GDAP1: variants seen among roughly 807,000 people sequenced by gnomAD.
The protein encoded by GDAP1 is ganglioside-induced differentiation-associated protein 1.
A neutral mutation model predicts 40.1 loss-of-function variants in GDAP1; 34 were observed. That is an observed-to-expected ratio of 0.85 (90% CI 0.64 to 1.13). The LOEUF (loss-of-function observed/expected upper bound fraction) is 1.13, where lower values mean the gene tolerates loss of function less well. GDAP1 is among the 50% of genes most tolerant of loss of function. The pLI, the probability that GDAP1 is intolerant of heterozygous loss-of-function variation, is 0.00. For synonymous variants in GDAP1, 170 were observed against 157.4 expected (o/e 1.08, Z -0.60); for missense variants, 374 against 433.7 (o/e 0.86, Z 1.22).
chr8:74,382,927 A>G (rs1435110300), intron 2 of GDAP1, among the ~76,000 whole-genome samples: 1 of 152,168 alleles, frequency 6.6e-6, no homozygotes, highest in African/African-American at 2.4e-5. Context: ...TTATTTGTTA[A>G]ATTAAAATTT....
intron 3 of GDAP1, 54 bp downstream of exon 3, chr8:74,360,364 ATT>A: frequency 7.0e-7 from 1 of 1,432,238 alleles, no homozygotes; most frequent in Non-Finnish European, 9.9e-7. Context: ...CTTTTAATTC[ATT>A]TTGAGACCTA....
chr8:74,370,947 AAG>A (rs1476656392), downstream of GDAP1, among the ~76,000 whole-genome samples: 2 of 152,236 alleles, frequency 1.3e-5, no homozygotes, highest in Non-Finnish European at 2.9e-5. Flanking sequence ...ATATTCATCT[AAG>A]AGCTTCAAAA....
At chr8:74,381,152 GTTTA>G (rs1167288737) in intron 2 of GDAP1, among the ~76,000 whole-genome samples, 1 of 151,942 alleles carries the variant, frequency 6.6e-6, no homozygotes, top group African/African-American at 2.4e-5. Flanking sequence ...TTATCAAATT[GTTTA>G]TTTATATCAA....
chr8:74,379,779 G>T (rs1757873054), intron 2 of GDAP1, among the ~76,000 whole-genome samples: 1 of 152,146 alleles, frequency 6.6e-6, no homozygotes, highest in South Asian at 2.1e-4. Flanking sequence ...ATAGAGGTTA[G>T]TAGGAAGTAC....
intron 2 of GDAP1, among the ~76,000 whole-genome samples, chr8:74,401,554 G>C (rs1304360708): frequency 6.7e-6 from 1 of 149,918 alleles, no homozygotes; most frequent in East Asian, 1.9e-4. Context: ...CTCTCAACTC[G>C]TCAAAGTCAT....
At chr8:74,426,012 A>G (rs538567708) in intron 2 of GDAP1, among the ~76,000 whole-genome samples, 1 of 152,278 alleles carries the variant, frequency 6.6e-6, no homozygotes. Flanking sequence ...TGATATGTTA[A>G]TTATTGAAAT....
chr8:74,478,882 A>C (rs1199303108), intron 2 of GDAP1, among the ~76,000 whole-genome samples: 1 of 152,194 alleles, frequency 6.6e-6, no homozygotes, highest in African/African-American at 2.4e-5. Flanking sequence ...CCTCTTCCCC[A>C]GGAGTCACTG....
At position 74,384,878 on chromosome 8, in the gene GDAP1, G is replaced by A. The variant is rs114941046; in HGVS notation, c.165+33557G>A. ...GCCCATTTTATTTATAGCTGAAGTC[G>A]CAATACTGACTTTACATGTTGAAAT... On this transcript the variant is annotated intron_variant, in intron 2 of 2. Transcript: ENST00000523640. Among the ~76,000 whole-genome samples the A allele has an allele frequency of 5.0e-3, 768 of 152,120 alleles. 5 individuals are homozygous for A. Among genetic ancestry groups the A allele is most frequent in the African/African-American group, 0.015 (634 of 41,514 alleles).
At chr8:74,407,271 G>T (rs1173312606) in intron 2 of GDAP1, among the ~76,000 whole-genome samples, 1 of 149,646 alleles carries the variant, frequency 6.7e-6, no homozygotes, top group Non-Finnish European at 1.5e-5. Context: ...TATTGTGATG[G>T]TTAATATTAA....
chr8:74,370,000 A>G (rs537628190), downstream of GDAP1, among the ~76,000 whole-genome samples: 2 of 152,230 alleles, frequency 1.3e-5, no homozygotes, highest in Non-Finnish European at 2.9e-5. Flanking sequence ...TTGGGTTTTA[A>G]AGACACTTTA....
At chr8:74,419,776 T>C (rs1048884730) in intron 2 of GDAP1, among the ~76,000 whole-genome samples, 1 of 152,090 alleles carries the variant, frequency 6.6e-6, no homozygotes, top group Non-Finnish European at 1.5e-5. Context: ...CTTCTAGGGG[T>C]TCTCTGGTTT....
chr8:74,417,486 C>T (rs1009430508), intron 2 of GDAP1, among the ~76,000 whole-genome samples: 2 of 150,062 alleles, frequency 1.3e-5, no homozygotes, highest in Non-Finnish European at 2.9e-5. Context: ...TAGAAAATCC[C>T]AAACTCTTGA....
At chr8:74,438,475 GT>G (rs1806120939) in intron 2 of GDAP1, among the ~76,000 whole-genome samples, 1 of 152,102 alleles carries the variant, frequency 6.6e-6, no homozygotes, top group Admixed American at 6.6e-5. Flanking sequence ...TTTCACTGTG[GT>G]TTTATTTAAT....
At chr8:74,385,869 T>C (rs1445074854) in intron 2 of GDAP1, among the ~76,000 whole-genome samples, 1 of 152,208 alleles carries the variant, frequency 6.6e-6, no homozygotes, top group African/African-American at 2.4e-5. Flanking sequence ...GACTTTTTAA[T>C]GATCACCATT....
intron 2 of GDAP1, among the ~76,000 whole-genome samples, chr8:74,464,945 C>T (rs1806449481): frequency 1.3e-5 from 2 of 152,056 alleles, no homozygotes. Flanking sequence ...GTCGGCCAGG[C>T]ATGGTGGCTC....
chr8:74,486,989 C>A (rs1806784016), intron 2 of GDAP1, among the ~76,000 whole-genome samples: 1 of 152,076 alleles, frequency 6.6e-6, no homozygotes, highest in African/African-American at 2.4e-5. Flanking sequence ...AGCTATGTAA[C>A]CATTCACAAG....
intron 2 of GDAP1, among the ~76,000 whole-genome samples, chr8:74,358,249 T>A (rs1027321323): frequency 6.6e-6 from 1 of 152,240 alleles, no homozygotes; most frequent in Non-Finnish European, 1.5e-5. Flanking sequence ...ACATTGTTTT[T>A]CCTGCTCTCA....
At chr8:74,400,059 A>C (rs1326737174) in intron 2 of GDAP1, among the ~76,000 whole-genome samples, 3 of 147,664 alleles carry the variant, frequency 2.0e-5, no homozygotes, top group East Asian at 3.9e-4. Context: ...GTAGATGTCT[A>C]TTAGGTCCGC....
chr8:74,422,246 CTCCT>C (rs1805868181), intron 2 of GDAP1, among the ~76,000 whole-genome samples: 2 of 113,768 alleles, frequency 1.8e-5, no homozygotes, highest in Admixed American at 8.8e-5. Flanking sequence ...CCCTCCCTCC[CTCCT>C]TTCTTTCTTT....
Sources: allele counts gnomAD v4.1 joint callset (sites outside exome capture counted in the v4.1 genomes callset), GRCh38; gene constraint gnomAD v4.1.1; transcripts MANE v1.5; gene names NCBI Gene and HGNC (gene_info 2026-07-23, HGNC 2026-07-21).